Variants in ATG7 observed in about 807,000 individuals in gnomAD.
ATG7 encodes autophagy related 7.
ATG7 carries 70 observed loss-of-function variants against 82.4 expected under a neutral mutation model. That is an observed-to-expected ratio of 0.85 (90% CI 0.70 to 1.04). ATG7 has a LOEUF of 1.04. ATG7 is among the 50% of genes least tolerant of loss of function. The probability of loss-of-function intolerance (pLI) is 0.00; values close to 1 mark genes in which losing one functional copy is unlikely to be tolerated. For missense variants in ATG7, 792 were observed against 864.3 expected, an observed-to-expected ratio of 0.92 and a Z score of 1.05; for synonymous variants, 287 against 313.0, an observed-to-expected ratio of 0.92 and a Z score of 0.88.
chr3:11,316,541 A>G (rs1228656567), intron 9 of ATG7, among the ~76,000 whole-genome samples: 2 of 152,176 alleles, frequency 1.3e-5, no homozygotes, highest in African/African-American at 2.4e-5. Context: ...ATCTGAAGTC[A>G]CTGCATTTAT....
chr3:11,277,818 C>T (rs1463568856), intron 1 of ATG7, among the ~76,000 whole-genome samples: 4 of 146,384 alleles, frequency 2.7e-5, no homozygotes, highest in African/African-American at 1.0e-4. Context: ...GAGGGTACTG[C>T]AGGAGAACAG....
At chr3:11,351,144 C>T (rs981994626) in intron 14 of ATG7, among the ~76,000 whole-genome samples, 4 of 152,068 alleles carry the variant, frequency 2.6e-5, no homozygotes, top group Non-Finnish European at 4.4e-5. Flanking sequence ...TACTTACTTG[C>T]GTGTCAGGTA....
At chr3:11,420,988 C>T (rs188738526) in intron 19 of ATG7, among the ~76,000 whole-genome samples, 1 of 152,044 alleles carries the variant, frequency 6.6e-6, no homozygotes, top group Admixed American at 6.6e-5. Flanking sequence ...ATCTCCTGAC[C>T]TCGTGATCCG....
In ATG7 at chr3:11,418,263, C is replaced by T. The variant is rs2081583414; in HGVS notation, c.1957-8541C>T. 7.3e-5 allele frequency among the ~76,000 whole-genome samples: 10 copies of T among 137,750 alleles called. No individual in the cohort carries two copies. In the South Asian group the frequency reaches 2.4e-3, roughly 33 times the overall value. 90.4% of individuals were successfully genotyped at this position (137,750 alleles called of 152,430 possible). On this transcript the variant is annotated intron_variant, in intron 19 of 20. Coordinates refer to ENST00000693202, the MANE Select transcript of ATG7 (RefSeq NM_001349232.2). ...GGGACTACAGGCATATGTCACCATA[C>T]CTGGCTATTTTTTTTTTTTTTTATA...
chr3:11,571,284 A>G, the ATG7 span, among the ~76,000 whole-genome samples: 1 of 152,264 alleles, frequency 6.6e-6, no homozygotes, highest in African/African-American at 2.4e-5. Context: ...TTAATAATTG[A>G]AAAAAAGCCA....
At chr3:11,553,650 C>T (rs572654736) in intron 20 of ATG7, among the ~76,000 whole-genome samples, 3 of 152,334 alleles carry the variant, frequency 2.0e-5, no homozygotes, top group Admixed American at 2.0e-4. Context: ...CATCCACAGC[C>T]TGGCTGGGCT....
At chr3:11,353,755 T>C (rs2075735675) in intron 14 of ATG7, among the ~76,000 whole-genome samples, 1 of 152,252 alleles carries the variant, frequency 6.6e-6, no homozygotes, top group African/African-American at 2.4e-5. Context: ...CCTTTCACCA[T>C]GAGTGGAAGC....
At chr3:11,518,370 A>C (rs1418185393) in intron 20 of ATG7, among the ~76,000 whole-genome samples, 5 of 152,128 alleles carry the variant, frequency 3.3e-5, no homozygotes, top group Non-Finnish European at 7.3e-5. Context: ...ACAATGGTGA[A>C]ACCCTGTCTC....
downstream of ATG7, among the ~76,000 whole-genome samples, chr3:11,561,132 C>T (rs189767679): frequency 6.6e-6 from 1 of 152,152 alleles, no homozygotes; most frequent in Non-Finnish European, 1.5e-5. Flanking sequence ...GAGACCCCCC[C>T]CCAGGGTCCT....
chr3:11,391,578 T>TCTTGTC (rs2078804662), intron 19 of ATG7, among the ~76,000 whole-genome samples: 1 of 152,194 alleles, frequency 6.6e-6, no homozygotes, highest in African/African-American at 2.4e-5. Flanking sequence ...GCACAGCGGT[T>TCTTGTC]CTTGTCCCTG....
At chr3:11,293,874 CG>C (rs1159541432) in intron 3 of ATG7, among the ~76,000 whole-genome samples, 5 of 151,058 alleles carry the variant, frequency 3.3e-5, no homozygotes, top group Admixed American at 3.3e-4. Flanking sequence ...AAACATTAGC[CG>C]GGCATGGTGA....
At chr3:11,305,150 T>C (rs1947514710) in intron 5 of ATG7, among the ~76,000 whole-genome samples, 1 of 152,224 alleles carries the variant, frequency 6.6e-6, no homozygotes, top group Non-Finnish European at 1.5e-5. Flanking sequence ...CTAAATTCTC[T>C]TGTCTCCAAG....
intron 18 of ATG7, among the ~76,000 whole-genome samples, chr3:11,375,424 T>C (rs2077343584): frequency 6.6e-6 from 1 of 152,198 alleles, no homozygotes; most frequent in Non-Finnish European, 1.5e-5. Flanking sequence ...TACCAGTCAT[T>C]AGAGAAATGC....
rs1575332614 is a variant in ATG7 at position 11,557,419 on chromosome 3, A to C, written c.*2576A>C. 1 of 152,500 alleles carries C rather than the reference A, an allele frequency of 6.6e-6. No homozygotes were observed. The highest frequency in any genetic ancestry group is 2.4e-5 in the African/African-American group (1 of 41,336). The allele number at this position is 152,500 out of a possible 1,614,324, so 9.4% of individuals were successfully genotyped here. On this transcript the variant is annotated 3_prime_UTR_variant, in exon 21 of 21. Transcript: ENST00000693202. ...AGGGAAGTTGGAAGACACAAACCCC[A>C]CCTCCCCTGGGAGCTTGTAACAAAG...
At chr3:11,438,665 T>C (rs994752243) in intron 20 of ATG7, among the ~76,000 whole-genome samples, 4 of 152,146 alleles carry the variant, frequency 2.6e-5, no homozygotes, top group Admixed American at 6.5e-5. Flanking sequence ...GGCCAGAAGC[T>C]CTGATTGGTA....
chr3:11,442,967 G>A (rs1442378356), intron 20 of ATG7, among the ~76,000 whole-genome samples: 2 of 152,030 alleles, frequency 1.3e-5, no homozygotes, highest in Non-Finnish European at 2.9e-5. Flanking sequence ...ATTTTAGTCA[G>A]GGTGTAAGAA....
At chr3:11,383,442 T>A (rs888388217) in intron 19 of ATG7, among the ~76,000 whole-genome samples, 1 of 152,168 alleles carries the variant, frequency 6.6e-6, no homozygotes, top group African/African-American at 2.4e-5. Context: ...ATTATATACC[T>A]TTCGGTGATG....
chr3:11,355,709 A>G (rs958307825), intron 14 of ATG7, among the ~76,000 whole-genome samples: 4 of 152,202 alleles, frequency 2.6e-5, no homozygotes, highest in Admixed American at 2.0e-4. Context: ...AAGCCTGACA[A>G]TGCTAAATGT....
chr3:11,430,906 G>A lies in ATG7; in HGVS notation c.2079+3980G>A, dbSNP rs574152780. 3.3e-5 allele frequency among the ~76,000 whole-genome samples: 5 copies of A among 152,272 alleles called. 1 individual carries two copies. Among genetic ancestry groups the A allele is most frequent in the African/African-American group, 1.2e-4 (5 of 41,556 alleles). The stretch of plus-strand genomic sequence containing the variant: ...AGACTATTTTTAAAAATAAAAGTTG[G>A]ATTTTGGCAGAGAAAGAGTAGAGAA... On this transcript the variant is annotated intron_variant, in intron 20 of 20. Transcript: ENST00000693202.
Sources: gnomAD v4.1 joint callset for allele counts (sites outside exome capture counted in the v4.1 genomes callset) on GRCh38, gnomAD v4.1.1 for gene constraint, MANE v1.5 for transcripts, NCBI Gene and HGNC (gene_info 2026-07-23, HGNC 2026-07-21) for gene names.